Variants in ATXN10 observed in about 807,000 individuals in gnomAD.
ATXN10 encodes ataxin-10.
ATXN10 carries 28 observed loss-of-function variants against 52.9 expected under a neutral mutation model. The ratio of observed to expected loss-of-function variants is 0.53; its 90% CI spans 0.39 to 0.73. The LOEUF (loss-of-function observed/expected upper bound fraction) is 0.73. Ranked by LOEUF, ATXN10 falls within the 30% of genes least tolerant of loss-of-function variation. The pLI is 0.00. For synonymous variants in ATXN10, 226 were observed against 221.5 expected (o/e 1.02, Z -0.18); for missense variants, 565 against 577.0 (o/e 0.98, Z 0.21).
intron 10 of ATXN10, among the ~76,000 whole-genome samples, chr22:45,838,334 C>T (rs1035303392): frequency 6.6e-6 from 1 of 152,174 alleles, no homozygotes; most frequent in Non-Finnish European, 1.5e-5. Flanking sequence ...GCTTTACTGA[C>T]GCTGTGGTCT....
chr22:45,714,835 T>C (rs570492450), intron 5 of ATXN10, among the ~76,000 whole-genome samples: 1 of 152,364 alleles, frequency 6.6e-6, no homozygotes, highest in Non-Finnish European at 1.5e-5. Flanking sequence ...TTTTGTTGTT[T>C]AAGTATTTGA....
rs1157009272 is a variant in ATXN10, at chr22:45,826,379, T to C, written c.1238-16612T>C. Reference sequence around the variant, plus strand: ...AAAAGAGAAAAGGGCAGAGAGAATATCTGAAGAAATAAGGACTGAAAATTT... The same window carrying C: ...AAAAGAGAAAAGGGCAGAGAGAATACCTGAAGAAATAAGGACTGAAAATTT... On this transcript the variant is annotated intron_variant, in intron 10 of 11. Transcript: ENST00000252934. The surrounding 1 kb of genome is among the most constrained non-coding windows in gnomAD (Gnocchi z 5.0). 6.6e-6 allele frequency among the ~76,000 whole-genome samples: 1 copy of C among 152,100 alleles called. No individual in the cohort carries two copies. The highest frequency in any genetic ancestry group is 2.4e-5 in the African/African-American group (1 of 41,390).
At position 45,683,259 on chromosome 22, in the gene ATXN10, C is replaced by T. The variant is rs570344561; in HGVS notation, c.117-6453C>T. ...GCTTGAACTTGGGAGGCGGGGGTTG[C>T]AGTGAGCTGAGATCCTGCCTCTGCA... On this transcript the variant is annotated intron_variant, in intron 1 of 11. Coordinates refer to ENST00000252934, the MANE Select transcript of ATXN10 (RefSeq NM_013236.4). The surrounding 1 kb of genome is among the most constrained non-coding windows in gnomAD (Gnocchi z 4.8). 3.3e-5 allele frequency among the ~76,000 whole-genome samples: 5 copies of T among 152,184 alleles called. No homozygotes were observed. The highest frequency in any genetic ancestry group is 5.9e-5 in the Non-Finnish European group (4 of 68,030).
rs1323263655 is a variant in ATXN10, at chr22:45,842,611, T to G, written c.1238-380T>G. Reference sequence around the variant, plus strand: ...CCTAGTGAGTCAGTAACATAATTATTCAACAAAGGAATGTGTGTGTGTGCA... The same window carrying G: ...CCTAGTGAGTCAGTAACATAATTATGCAACAAAGGAATGTGTGTGTGTGCA... On this transcript the variant is annotated intron_variant, in intron 10 of 11. Coordinates refer to ENST00000252934, the MANE Select transcript of ATXN10 (RefSeq NM_013236.4). The surrounding 1 kb of genome is among the most constrained non-coding windows in gnomAD (Gnocchi z 4.8). Among the ~76,000 whole-genome samples the G allele has an allele frequency of 6.6e-6, 1 of 152,210 alleles. No individual in the cohort carries two copies. The highest frequency in any genetic ancestry group is 2.4e-5 in the African/African-American group (1 of 41,450).
At chr22:45,758,111 A>G (rs1328856260) in intron 9 of ATXN10, among the ~76,000 whole-genome samples, 1 of 152,186 alleles carries the variant, frequency 6.6e-6, no homozygotes, top group Non-Finnish European at 1.5e-5. Flanking sequence ...TGCTGCCTCC[A>G]CACCCTGCCC....
At chr22:45,760,165 G>A (rs901038795) in intron 9 of ATXN10, among the ~76,000 whole-genome samples, 2 of 152,150 alleles carry the variant, frequency 1.3e-5, no homozygotes, top group African/African-American at 4.8e-5. Context: ...GCTCAACTGT[G>A]GCTTGGTTCT....
chr22:45,842,927 T>C lies in ATXN10; in HGVS notation c.1238-64T>C. On this transcript the variant is annotated intron_variant, in intron 10 of 11. Coordinates refer to ENST00000252934, the MANE Select transcript of ATXN10 (RefSeq NM_013236.4). This position sits in a 1 kb window ranked among gnomAD's most constrained non-coding sequence, Gnocchi z 4.8. ...CTGTGCTCCTCTACTCCTTTTCTGATAATTCTTATGTGAAGTTATCAAACA... is the reference window on the plus strand; with the variant it reads ...CTGTGCTCCTCTACTCCTTTTCTGACAATTCTTATGTGAAGTTATCAAACA... 6.5e-7 allele frequency: 1 copy of C among 1,548,052 alleles called. No homozygotes were observed. The highest frequency in any genetic ancestry group is 1.7e-5 in the Admixed American group (1 of 59,894).
At chr22:45,682,281 C>T (rs1204952508) in intron 1 of ATXN10, among the ~76,000 whole-genome samples, 4 of 151,954 alleles carry the variant, frequency 2.6e-5, no homozygotes, top group African/African-American at 7.3e-5. Flanking sequence ...TAATAACTTC[C>T]GTTTGCTGGT....
chr22:45,771,526 C>A (rs904517769), intron 9 of ATXN10, among the ~76,000 whole-genome samples: 1 of 148,802 alleles, frequency 6.7e-6, no homozygotes, highest in Non-Finnish European at 1.5e-5. Flanking sequence ...AAGTGATTTT[C>A]CTGCCTCAGC....
intron 9 of ATXN10, among the ~76,000 whole-genome samples, chr22:45,794,707 G>T (rs1305096870): frequency 6.6e-6 from 1 of 152,020 alleles, no homozygotes; most frequent in East Asian, 1.9e-4. Context: ...TGTTAATCTA[G>T]AATTATGTAT....
rs1158452484 is a variant in ATXN10 at position 45,727,858 on chromosome 22, T to TA, written c.729-1566dup. On this transcript the variant is annotated intron_variant, in intron 6 of 11. Coordinates refer to ENST00000252934, the MANE Select transcript of ATXN10 (RefSeq NM_013236.4). The surrounding 1 kb of genome is among the most constrained non-coding windows in gnomAD (Gnocchi z 4.6). ...ATAATGACCTTCTTTGTCTTTTTTT[T>TA]ACTGTTGTTGCTTTAAAGTCTATTT... Among the ~76,000 whole-genome samples the TA allele has an allele frequency of 6.6e-6, 1 of 152,154 alleles. No homozygotes were observed. Among genetic ancestry groups the TA allele is most frequent in the Non-Finnish European group, 1.5e-5 (1 of 68,030 alleles).
intron 9 of ATXN10, among the ~76,000 whole-genome samples, chr22:45,796,084 C>T (rs1042414000): frequency 9.2e-5 from 14 of 152,178 alleles, no homozygotes; most frequent in Non-Finnish European, 1.3e-4. Flanking sequence ...GGAGAAATAT[C>T]GCTGAATTCT....
chr22:45,769,006 T>G lies in ATXN10; in HGVS notation c.1173+28468T>G, dbSNP rs1009128940. Among the ~76,000 whole-genome samples, 12 of 152,112 alleles carry G rather than the reference T, an allele frequency of 7.9e-5. No individual in the cohort carries two copies. The highest frequency in any genetic ancestry group is 5.2e-4 in the Admixed American group (8 of 15,276). On this transcript the variant is annotated intron_variant, in intron 9 of 11. Transcript: ENST00000252934. The surrounding 1 kb of genome is among the most constrained non-coding windows in gnomAD (Gnocchi z 4.2). ...TGCTGAGATTTATTTTAAATACTCTTGGTGGGAAAAAGTGTGGGAAGAAGA... is the reference window on the plus strand; with the variant it reads ...TGCTGAGATTTATTTTAAATACTCTGGGTGGGAAAAAGTGTGGGAAGAAGA...
intron 5 of ATXN10, 54 bp downstream of exon 5, chr22:45,702,901 T>A: frequency 6.2e-7 from 1 of 1,607,376 alleles, no homozygotes; most frequent in Non-Finnish European, 8.5e-7. Flanking sequence ...CAGATCACTT[T>A]CCTTGCAGAG....
chr22:45,705,345 G>A lies in ATXN10; in HGVS notation c.647+2498G>A, dbSNP rs1473403274. On this transcript the variant is annotated intron_variant, in intron 5 of 11. Transcript: ENST00000252934. This position sits in a 1 kb window ranked among gnomAD's most constrained non-coding sequence, Gnocchi z 5.2. ...ATCGGTATTCATCTTTAAATATGTGGTAGAATTCACTGGTGAAGCCATCTG... is the reference window on the plus strand; with the variant it reads ...ATCGGTATTCATCTTTAAATATGTGATAGAATTCACTGGTGAAGCCATCTG... Among the ~76,000 whole-genome samples the A allele has an allele frequency of 1.3e-5, 2 of 152,044 alleles. No homozygotes were observed. Among genetic ancestry groups the A allele is most frequent in the African/African-American group, 4.8e-5 (2 of 41,402 alleles).
intron 1 of ATXN10, chr22:45,673,699 C>G (rs963679233): frequency 1.3e-5 from 2 of 152,076 alleles, no homozygotes; most frequent in Non-Finnish European, 2.9e-5. Context: ...GAAATCTATA[C>G]AAGAGGTGGT....
chr22:45,811,404 G>A (rs2146889412), intron 10 of ATXN10, among the ~76,000 whole-genome samples: 1 of 152,238 alleles, frequency 6.6e-6, no homozygotes, highest in South Asian at 2.1e-4. Flanking sequence ...ATACAGTCAT[G>A]TGCTACATAG....
chr22:45,779,388 A>G (rs1741138611), intron 9 of ATXN10, among the ~76,000 whole-genome samples: 1 of 152,234 alleles, frequency 6.6e-6, no homozygotes, highest in African/African-American at 2.4e-5. Context: ...AGACTCCAGA[A>G]TATAATTCAG....
In ATXN10 at chr22:45,678,949, A is replaced by G. The variant is rs1285235549; in HGVS notation, c.116+6770A>G. 1 of 152,222 alleles carries G rather than the reference A, an allele frequency of 6.6e-6. No homozygotes were observed. Among genetic ancestry groups the G allele is most frequent in the African/African-American group, 2.4e-5 (1 of 41,458 alleles). 9.4% of individuals were successfully genotyped at this position (152,222 alleles called of 1,614,324 possible). A position where few individuals can be genotyped will look rare whatever the true frequency, so the allele number is the denominator to read the frequency against. On this transcript the variant is annotated intron_variant, in intron 1 of 11. Coordinates refer to ENST00000252934, the MANE Select transcript of ATXN10 (RefSeq NM_013236.4). The surrounding 1 kb of genome is among the most constrained non-coding windows in gnomAD (Gnocchi z 4.1). ...CTAAAAATGTATATTTGTAATTTAT[A>G]TTTACAAAATAAATTTGTAAATTTG... is the stretch of plus-strand genomic sequence containing the variant.
Sources: allele counts gnomAD v4.1 joint callset (sites outside exome capture counted in the v4.1 genomes callset), GRCh38; gene constraint gnomAD v4.1.1; non-coding constraint Gnocchi (gnomAD v3.1); transcripts MANE v1.5; gene names NCBI Gene and HGNC (gene_info 2026-07-23, HGNC 2026-07-21).